SIGLEC6: variants seen among roughly 807,000 people sequenced by gnomAD.
The protein encoded by SIGLEC6 is sialic acid-binding Ig-like lectin 6.
Under a neutral mutation model 41.4 loss-of-function variants are expected in SIGLEC6, and 31 were observed. That is an observed-to-expected ratio of 0.75 (90% CI 0.56 to 1.01). The LOEUF is 1.01. Among genes scored for constraint, SIGLEC6 ranks in the 50% least tolerant of loss-of-function variants. The pLI is 0.00. For synonymous variants in SIGLEC6, 217 were observed against 231.0 expected, an observed-to-expected ratio of 0.94 and a Z score of 0.55; for missense variants, 555 against 558.6, an observed-to-expected ratio of 0.99 and a Z score of 0.06.
chr19:51,530,052 G>A, intron 4 of SIGLEC6, 71 bp from the exon 5 acceptor site: 1 of 1,502,968 alleles, frequency 6.7e-7, no homozygotes, highest in Non-Finnish European at 8.9e-7. Context: ...CTCTCCTCCT[G>A]TGGGGTCCAC....
At chr19:51,522,902 G>A (rs370654439) in intron 7 of SIGLEC6, among the ~76,000 whole-genome samples, 8 of 151,044 alleles carry the variant, frequency 5.3e-5, no homozygotes, top group South Asian at 2.1e-4. Context: ...TTGGGAAGCC[G>A]AGGCAGGAGT....
intron 7 of SIGLEC6, among the ~76,000 whole-genome samples, chr19:51,522,748 G>T (rs1289079745): frequency 1.3e-5 from 2 of 152,188 alleles, no homozygotes; most frequent in Non-Finnish European, 2.9e-5. Context: ...CTGAGAACAT[G>T]CCATTGCACT....
intron 6 of SIGLEC6, 54 bp downstream of exon 6, chr19:51,528,106 T>G (rs1315013043): frequency 4.7e-6 from 7 of 1,495,116 alleles, no homozygotes; most frequent in Non-Finnish European, 6.5e-6. Flanking sequence ...TTCTGCCACC[T>G]GTGTGCCCTT....
In SIGLEC6 at chr19:51,531,138, A is replaced by G. The variant is rs200337941; in HGVS notation, c.427+22T>C. ...GCCCCCATGACCTTCCCCTGTGGCT[A>G]GTCCTGGAGCTGGTTCCTTACCCAT... On this transcript the variant is annotated intron_variant, in intron 2 of 7. Transcript: ENST00000425629. 6.1e-4 allele frequency: 960 copies of G among 1,565,266 alleles called. 1 individual carries two copies. Among genetic ancestry groups the G allele is most frequent in the Admixed American group, 1.1e-3 (63 of 54,952 alleles).
Position 51,528,148 on chromosome 19 carries a change from G to A in SIGLEC6, c.1106+12C>T, listed in dbSNP as rs1979552609. 1 of 1,611,020 alleles carries A rather than the reference G, an allele frequency of 6.2e-7. No individual in the cohort carries two copies. The highest frequency in any genetic ancestry group is 1.3e-5 in the African/African-American group (1 of 74,858). ...TGAAGTCTTTCTGTGCCTCCCTGGA[G>A]CCCACTCTCACCTGAAGATGAAGCA... is the stretch of plus-strand genomic sequence containing the variant. On this transcript the variant is annotated intron_variant, in intron 6 of 7. Transcript: ENST00000425629.
intron 5 of SIGLEC6, 88 bp downstream of exon 5, chr19:51,529,636 G>C: frequency 6.4e-7 from 1 of 1,550,674 alleles, no homozygotes; most frequent in Non-Finnish European, 8.8e-7. Context: ...GGGGAGGGAG[G>C]ACAGGACTTA....
intron 7 of SIGLEC6, among the ~76,000 whole-genome samples, chr19:51,525,893 G>C (rs1251345902): frequency 6.6e-6 from 1 of 152,062 alleles, no homozygotes; most frequent in East Asian, 1.9e-4. Context: ...CAGCCATGCT[G>C]CCCTTGCTGC....
Position 51,530,481 on chromosome 19 carries a change from G to A in SIGLEC6, c.710C>T (p.Ala237Val), listed in dbSNP as rs1218223356. The A allele has an allele frequency of 1.9e-6, 3 of 1,614,122 alleles. No homozygotes were observed. Among genetic ancestry groups the A allele is most frequent in the South Asian group, 1.1e-5 (1 of 91,084 alleles). ...GATGCTGATGGCCACTTTCTGTGGAGCATCTGGGGTGGAAAGAGGTGGCCG... is the reference window on the plus strand; with the variant it reads ...GATGCTGATGGCCACTTTCTGTGGAACATCTGGGGTGGAAAGAGGTGGCCG... The part of the protein sequence containing the change: ...ERTIQLNVSY[A>V]PQKVAISIFQ... The change falls in exon 4 of 8, where the codon GCT becomes GTT. Residue 237 changes from alanine (A) to valine (V), a missense_variant. By Grantham distance (64) the Ala-to-Val change is moderately conservative (BLOSUM62 0). Coordinates refer to ENST00000425629, the MANE Select transcript of SIGLEC6 (RefSeq NM_001245.7).
intron 7 of SIGLEC6, among the ~76,000 whole-genome samples, chr19:51,523,184 T>C (rs903598764): frequency 2.0e-5 from 3 of 151,414 alleles, no homozygotes; most frequent in African/African-American, 7.3e-5. Context: ...AGATGAAAAA[T>C]GGCAATATCT....
intron 7 of SIGLEC6, among the ~76,000 whole-genome samples, chr19:51,525,796 A>G (rs964038148): frequency 6.6e-6 from 1 of 151,532 alleles, no homozygotes; most frequent in African/African-American, 2.4e-5. Flanking sequence ...CCCCACCCCT[A>G]GATGAACGTT....
chr19:51,527,444 C>T (rs546699611), intron 7 of SIGLEC6, among the ~76,000 whole-genome samples: 1 of 152,096 alleles, frequency 6.6e-6, no homozygotes, highest in South Asian at 2.1e-4. Context: ...ATAATCAATG[C>T]CATAAGAAAA....
At position 51,520,228 on chromosome 19, in the gene SIGLEC6, T is replaced by A. The variant is rs371808460; in HGVS notation, c.1216A>T (p.Ile406Leu). Residue 406 changes from isoleucine (I) to leucine (L), a missense_variant, in exon 8 of 8, where the codon ATA becomes TTA. By Grantham distance (5) the Ile-to-Leu change is conservative. Coordinates refer to ENST00000425629, the MANE Select transcript of SIGLEC6 (RefSeq NM_001245.7). ...GCCTCAGCAGGGTGGTCTGAAACTA[T>A]GCCTGTCTGGAACTGGTGCTGATGA... ...RGHQHQFQTGIVSDHPAEAGP... is the reference protein window; with the variant it reads ...RGHQHQFQTGLVSDHPAEAGP... The A allele has an allele frequency of 4.4e-6, 7 of 1,599,286 alleles. No individual in the cohort carries two copies. Among genetic ancestry groups the A allele is most frequent in the Non-Finnish European group, 5.1e-6 (6 of 1,169,050 alleles).
chr19:51,519,111 C>T lies in SIGLEC6; in HGVS notation c.*971G>A, dbSNP rs200747555. Among the ~76,000 whole-genome samples, 42 of 151,794 alleles carry T rather than the reference C, an allele frequency of 2.8e-4. No homozygotes were observed. The East Asian group carries it at 4.3e-3, about 15-fold the overall frequency. On this transcript the variant is annotated 3_prime_UTR_variant, in exon 8 of 8. Coordinates refer to ENST00000425629, the MANE Select transcript of SIGLEC6 (RefSeq NM_001245.7). ...GAGATCAAGACCATCCTGGCTAACACGGTGAAACCCCGTCTCTACTAAAAA... is the reference window on the plus strand; with the variant it reads ...GAGATCAAGACCATCCTGGCTAACATGGTGAAACCCCGTCTCTACTAAAAA...
chr19:51,523,891 C>T (rs10221508), intron 7 of SIGLEC6, among the ~76,000 whole-genome samples: 13,496 of 152,090 alleles, frequency 0.089, 708 homozygotes, highest in East Asian at 0.15. Flanking sequence ...GGCGCGGTGG[C>T]GGGCACCTGT....
rs963173774 is a variant in SIGLEC6 at position 51,519,167 on chromosome 19, T to G, written c.*915A>C. On this transcript the variant is annotated 3_prime_UTR_variant, in exon 8 of 8. Transcript: ENST00000425629. Reference sequence around the variant, plus strand: ...AAAATTAGCCGGGTGTGGTGGTGGGTGCCTGTAGTCCCAGCTACTTGGGAG... The same window carrying G: ...AAAATTAGCCGGGTGTGGTGGTGGGGGCCTGTAGTCCCAGCTACTTGGGAG... 6.6e-6 allele frequency among the ~76,000 whole-genome samples: 1 copy of G among 151,698 alleles called. No homozygotes were observed. The highest frequency in any genetic ancestry group is 2.4e-5 in the African/African-American group (1 of 41,274).
At chr19:51,526,443 A>G (rs1979246552) in intron 7 of SIGLEC6, among the ~76,000 whole-genome samples, 1 of 152,236 alleles carries the variant, frequency 6.6e-6, no homozygotes, top group African/African-American at 2.4e-5. Context: ...ATACTTTGCT[A>G]ATATACCCCA....
intron 5 of SIGLEC6, among the ~76,000 whole-genome samples, chr19:51,528,696 A>T (rs2122425352): frequency 6.6e-6 from 1 of 152,142 alleles, no homozygotes; most frequent in Non-Finnish European, 1.5e-5. Context: ...AAAGGGGAAA[A>T]TGTGGGTCGG....
At chr19:51,530,111 A>T (rs1979997470) in intron 4 of SIGLEC6, 130 bp from the exon 5 acceptor site, 1 of 1,169,260 alleles carries the variant, frequency 8.6e-7, no homozygotes, top group South Asian at 1.6e-5. Context: ...AGGTCTTCAG[A>T]AAAGCCCAGA....
chr19:51,525,244 C>T (rs1347483333), intron 7 of SIGLEC6, among the ~76,000 whole-genome samples: 1 of 152,174 alleles, frequency 6.6e-6, no homozygotes, highest in South Asian at 2.1e-4. Context: ...CTCACCCCTG[C>T]CTGAGCACTT....
Sources: gnomAD v4.1 joint callset for allele counts (sites outside exome capture counted in the v4.1 genomes callset) on GRCh38, gnomAD v4.1.1 for gene constraint, MANE v1.5 for transcripts, NCBI Gene and HGNC (gene_info 2026-07-23, HGNC 2026-07-21) for gene names.